GABRB2: variants seen among roughly 807,000 people sequenced by gnomAD.
GABRB2 encodes the protein gamma-aminobutyric acid receptor subunit beta-2.
GABRB2 carries 16 observed loss-of-function variants against 54.7 expected under a neutral mutation model. The ratio of observed to expected loss-of-function variants is 0.29; its 90% CI spans 0.20 to 0.44. The LOEUF (loss-of-function observed/expected upper bound fraction) is 0.44. GABRB2 is among the 20% of genes least tolerant of loss of function. The pLI is 1.00. For missense variants in GABRB2, 355 were observed against 644.0 expected (o/e 0.55, Z 4.86); for synonymous variants, 244 against 233.8 (o/e 1.04, Z -0.40).
At chr5:161,335,772 A>G (rs1363318546) in intron 6 of GABRB2, among the ~76,000 whole-genome samples, 3 of 152,122 alleles carry the variant, frequency 2.0e-5, no homozygotes, top group Non-Finnish European at 4.4e-5. Flanking sequence ...AAACTTAGGA[A>G]AAGTTTCTGT....
chr5:161,299,462 G>A lies in GABRB2; in HGVS notation c.1192-5034C>T, dbSNP rs566497805. ...GCCCCAAATCAACAGAATCTGCTGAGATGGTTCAACTGTAAGAGGAGATGC... is the reference window on the plus strand; with the variant it reads ...GCCCCAAATCAACAGAATCTGCTGAAATGGTTCAACTGTAAGAGGAGATGC... On this transcript the variant is annotated intron_variant, in intron 9 of 9. Transcript: ENST00000393959. 1.1e-3 allele frequency among the ~76,000 whole-genome samples: 166 copies of A among 152,306 alleles called. 1 individual carries two copies. Among genetic ancestry groups the A allele is most frequent in the African/African-American group, 3.9e-3 (162 of 41,564 alleles).
chr5:161,399,962 C>A (rs931314253), intron 5 of GABRB2, among the ~76,000 whole-genome samples: 1 of 152,014 alleles, frequency 6.6e-6, no homozygotes, highest in South Asian at 2.1e-4. Flanking sequence ...ATGGAGCTGG[C>A]GGCAGTGGAG....
intron 4 of GABRB2, among the ~76,000 whole-genome samples, chr5:161,412,400 T>A (rs1372575220): frequency 6.6e-6 from 1 of 152,170 alleles, no homozygotes; most frequent in Non-Finnish European, 1.5e-5. Flanking sequence ...CTGCACCGAT[T>A]CCTTACCATC....
intron 3 of GABRB2, among the ~76,000 whole-genome samples, chr5:161,508,451 T>A (rs1266077103): frequency 6.6e-6 from 1 of 151,328 alleles, no homozygotes; most frequent in African/African-American, 2.4e-5. Flanking sequence ...TTGCATGCAA[T>A]TCCTTTGATC....
intron 9 of GABRB2, among the ~76,000 whole-genome samples, chr5:161,307,863 CTT>C (rs34485396): frequency 4.5e-4 from 63 of 139,988 alleles, no homozygotes; most frequent in Admixed American, 3.6e-4. Flanking sequence ...AAGACTAATT[CTT>C]TTTTTTTTTT....
chr5:161,358,758 T>A (rs1754715617), intron 5 of GABRB2, among the ~76,000 whole-genome samples: 1 of 152,120 alleles, frequency 6.6e-6, no homozygotes, highest in Admixed American at 6.6e-5. Flanking sequence ...GTTCATTAGC[T>A]GAGAGTGAGA....
At chr5:161,371,814 C>A (rs527365131) in intron 5 of GABRB2, among the ~76,000 whole-genome samples, 1 of 152,082 alleles carries the variant, frequency 6.6e-6, no homozygotes, top group African/African-American at 2.4e-5. Flanking sequence ...CACGACCTCC[C>A]AAGCTCTAGC....
intron 4 of GABRB2, among the ~76,000 whole-genome samples, chr5:161,452,743 T>C (rs754760597): frequency 6.6e-6 from 1 of 152,052 alleles, no homozygotes; most frequent in Non-Finnish European, 1.5e-5. Flanking sequence ...CCTGTAATCC[T>C]AGCACTTTGG....
At chr5:161,481,456 C>G (rs942137040) in intron 3 of GABRB2, among the ~76,000 whole-genome samples, 1 of 152,014 alleles carries the variant, frequency 6.6e-6, no homozygotes, top group African/African-American at 2.4e-5. Context: ...TTCTTCCTTA[C>G]ACCAAAATGA....
chr5:161,438,011 G>C (rs1465628257), intron 4 of GABRB2, among the ~76,000 whole-genome samples: 1 of 152,204 alleles, frequency 6.6e-6, no homozygotes, highest in Non-Finnish European at 1.5e-5. Flanking sequence ...AGCTGGCTTT[G>C]CCACTTGCTG....
Position 161,463,558 on chromosome 5 carries a change from T to G in GABRB2, c.238-3714A>C, listed in dbSNP as rs1030909227. Among the ~76,000 whole-genome samples the G allele has an allele frequency of 2.9e-3, 119 of 41,120 alleles. 3 individuals are homozygous for G. Among genetic ancestry groups the G allele is most frequent in the African/African-American group, 7.0e-3 (92 of 13,200 alleles). The allele number at this position is 41,120 out of a possible 152,430, so 27.0% of individuals were successfully genotyped here. A position where few individuals can be genotyped will look rare whatever the true frequency, so the allele number is the denominator to read the frequency against. On this transcript the variant is annotated intron_variant, in intron 3 of 9. Coordinates refer to ENST00000393959, the MANE Select transcript of GABRB2 (RefSeq NM_001371727.1). ...AGGTGATTCCAAATATTTTTATTTA[T>G]ATATATATATATATATATATATATA...
chr5:161,546,711 C>T lies in GABRB2; in HGVS notation c.-68G>A. ...GAGATCCAACTTAGTCTGCCCAGTG[C>T]AGTAATTCTAATGTGAGGCGCATGC... On this transcript the variant is annotated 5_prime_UTR_variant, in exon 1 of 10. Coordinates refer to ENST00000393959, the MANE Select transcript of GABRB2 (RefSeq NM_001371727.1). The T allele has an allele frequency of 6.5e-7, 1 of 1,549,566 alleles. No homozygotes were observed. The highest frequency in any genetic ancestry group is 8.7e-7 in the Non-Finnish European group (1 of 1,146,518).
intron 9 of GABRB2, among the ~76,000 whole-genome samples, chr5:161,324,165 G>T (rs189210890): frequency 2.6e-5 from 4 of 152,082 alleles, no homozygotes; most frequent in Non-Finnish European, 5.9e-5. Context: ...AAGTTAACTG[G>T]GAAATAACTG....
chr5:161,378,905 A>G (rs979054805), intron 5 of GABRB2, among the ~76,000 whole-genome samples: 1 of 152,174 alleles, frequency 6.6e-6, no homozygotes, highest in Non-Finnish European at 1.5e-5. Context: ...GTTGCAAAGG[A>G]GCACCTGCAC....
chr5:161,326,247 ACT>A (rs1174777483), intron 9 of GABRB2, 119 bp downstream of exon 9: 1 of 1,374,684 alleles, frequency 7.3e-7, no homozygotes, highest in Non-Finnish European at 9.8e-7. Context: ...TATCCCCAAG[ACT>A]CTGTGGATAC....
At chr5:161,352,360 C>T (rs977537383) in intron 5 of GABRB2, among the ~76,000 whole-genome samples, 3 of 151,692 alleles carry the variant, frequency 2.0e-5, no homozygotes, top group South Asian at 4.2e-4. Context: ...TAGTGAAATA[C>T]TACTCAGGGT....
intron 4 of GABRB2, among the ~76,000 whole-genome samples, chr5:161,415,609 G>C (rs1756641591): frequency 6.6e-6 from 1 of 151,978 alleles, no homozygotes; most frequent in Non-Finnish European, 1.5e-5. Flanking sequence ...TTTTTTGTTT[G>C]TTTGCTTTTG....
intron 3 of GABRB2, among the ~76,000 whole-genome samples, chr5:161,508,139 C>T (rs528495339): frequency 1.3e-5 from 2 of 151,648 alleles, no homozygotes; most frequent in Admixed American, 1.3e-4. Flanking sequence ...GCCTACTCTG[C>T]TATAGGTACT....
intron 3 of GABRB2, among the ~76,000 whole-genome samples, chr5:161,466,108 T>C (rs1758268394): frequency 6.6e-6 from 1 of 152,062 alleles, no homozygotes; most frequent in African/African-American, 2.4e-5. Context: ...TGAATGTCTT[T>C]CAGTTTGGAT....
Sources: allele counts gnomAD v4.1 joint callset (sites outside exome capture counted in the v4.1 genomes callset), GRCh38; gene constraint gnomAD v4.1.1; transcripts MANE v1.5; gene names NCBI Gene and HGNC (gene_info 2026-07-23, HGNC 2026-07-21).